PARD3B: variants seen among roughly 807,000 people sequenced by gnomAD.
PARD3B encodes partitioning defective 3 homolog B.
Under a neutral mutation model 130.2 loss-of-function variants are expected in PARD3B, and 103 were observed. The observed-to-expected ratio is 0.79, with a 90% CI of 0.67 to 0.93. The LOEUF (loss-of-function observed/expected upper bound fraction) is 0.93, where lower values mean the gene tolerates loss of function less well. Among genes scored for constraint, PARD3B ranks in the 40% least tolerant of loss-of-function variants. PARD3B has a pLI of 0.00. For missense variants in PARD3B, 1,609 were observed against 1,499.2 expected, an observed-to-expected ratio of 1.07 and a Z score of -1.21; for synonymous variants, 583 against 553.2, an observed-to-expected ratio of 1.05 and a Z score of -0.76.
chr2:205,077,712 T>A (rs148940946), intron 4 of PARD3B, among the ~76,000 whole-genome samples: 11 of 152,258 alleles, frequency 7.2e-5, no homozygotes, highest in African/African-American at 2.6e-4. Context: ...GATAACAGAA[T>A]AGGGACGTCT....
At chr2:205,201,677 A>C (rs2036997396) in intron 15 of PARD3B, among the ~76,000 whole-genome samples, 1 of 152,156 alleles carries the variant, frequency 6.6e-6, no homozygotes, top group South Asian at 2.1e-4. Flanking sequence ...GTCTCTACTA[A>C]AAATACAAAA....
At position 205,105,954 on chromosome 2, in the gene PARD3B, C is replaced by T. The variant is rs969085962; in HGVS notation, c.593+1440C>T. 6.6e-6 allele frequency among the ~76,000 whole-genome samples: 1 copy of T among 151,816 alleles called. No homozygotes were observed. Among genetic ancestry groups the T allele is most frequent in the Non-Finnish European group, 1.5e-5 (1 of 67,934 alleles). ...CTTATTCTATTTGGCTTTAATTTCACTTATTTCAGTGTTAGCTTTTTGAAA... is the reference window on the plus strand; with the variant it reads ...CTTATTCTATTTGGCTTTAATTTCATTTATTTCAGTGTTAGCTTTTTGAAA... On this transcript the variant is annotated intron_variant, in intron 5 of 22. Transcript: ENST00000406610. The surrounding 1 kb of genome is among the most constrained non-coding windows in gnomAD (Gnocchi z 4.0).
intron 2 of PARD3B, among the ~76,000 whole-genome samples, chr2:204,816,893 G>A (rs922774565): frequency 6.6e-6 from 1 of 151,894 alleles, no homozygotes; most frequent in Non-Finnish European, 1.5e-5. Flanking sequence ...CTGCCCCACA[G>A]CCTACAGATT....
At chr2:205,479,541 C>T (rs1356274068) in intron 20 of PARD3B, among the ~76,000 whole-genome samples, 1 of 152,152 alleles carries the variant, frequency 6.6e-6, no homozygotes, top group African/African-American at 2.4e-5. Flanking sequence ...TGCTTTCCTC[C>T]AGGAAGGGTT....
chr2:205,593,269 G>C (rs2054453692), intron 22 of PARD3B, among the ~76,000 whole-genome samples: 1 of 152,134 alleles, frequency 6.6e-6, no homozygotes, highest in African/African-American at 2.4e-5. Context: ...TTTAAATTTA[G>C]TTATTTTTCC....
At chr2:205,032,329 A>G (rs1319749785) in intron 3 of PARD3B, among the ~76,000 whole-genome samples, 1 of 152,088 alleles carries the variant, frequency 6.6e-6, no homozygotes, top group African/African-American at 2.4e-5. Flanking sequence ...CACATGGATT[A>G]GATTTCAGTT....
At chr2:204,630,915 G>A (rs2034656517) in intron 1 of PARD3B, among the ~76,000 whole-genome samples, 1 of 151,968 alleles carries the variant, frequency 6.6e-6, no homozygotes, top group Non-Finnish European at 1.5e-5. Context: ...CCAGCTCCTA[G>A]ATATGTTGAT....
intron 4 of PARD3B, among the ~76,000 whole-genome samples, chr2:205,100,332 T>G (rs1018142333): frequency 3.3e-5 from 5 of 152,232 alleles, no homozygotes; most frequent in African/African-American, 1.2e-4. Context: ...CTAAAAAGAA[T>G]ATTTATTTTA....
intron 20 of PARD3B, among the ~76,000 whole-genome samples, chr2:205,484,098 T>C (rs1430041014): frequency 6.6e-6 from 1 of 152,144 alleles, no homozygotes; most frequent in Non-Finnish European, 1.5e-5. Flanking sequence ...TCATGGCAAA[T>C]AGCAGAATTC....
intron 1 of PARD3B, among the ~76,000 whole-genome samples, chr2:204,670,551 T>A (rs2036250926): frequency 6.6e-6 from 1 of 152,216 alleles, no homozygotes; most frequent in African/African-American, 2.4e-5. Context: ...TGTCTAAATA[T>A]GAATTTACTG....
intron 21 of PARD3B, among the ~76,000 whole-genome samples, chr2:205,527,658 A>G (rs2051397196): frequency 6.6e-6 from 1 of 152,116 alleles, no homozygotes; most frequent in Admixed American, 6.5e-5. Context: ...AAAGGCAATA[A>G]CCTTCATCAG....
Position 205,052,433 on chromosome 2 carries a change from A to G in PARD3B, c.504+4743A>G, listed in dbSNP as rs866881557. Among the ~76,000 whole-genome samples the G allele has an allele frequency of 2.3e-3, 53 of 22,574 alleles. 1 individual carries two copies. Among genetic ancestry groups the G allele is most frequent in the African/African-American group, 7.4e-3 (52 of 7,046 alleles). The allele number at this position is 22,574 out of a possible 152,430, so 14.8% of individuals were successfully genotyped here. A position where few individuals can be genotyped will look rare whatever the true frequency, so the allele number is the denominator to read the frequency against. On this transcript the variant is annotated intron_variant, in intron 4 of 22. Coordinates refer to ENST00000406610, the MANE Select transcript of PARD3B (RefSeq NM_001302769.2). Reference sequence around the variant, plus strand: ...TATATATATATGTATATATATATATATATATATATATATATATAAAATTAA... The same window carrying G: ...TATATATATATGTATATATATATATGTATATATATATATATATAAAATTAA...
rs188934483 is a variant in PARD3B at position 204,633,654 on chromosome 2, A to G, written c.121-52527A>G. ...TGATGAAACCCTGTTTCTACTAAAA[A>G]TACAAAATTTAGCCAGGCATGGTGG... On this transcript the variant is annotated intron_variant, in intron 1 of 22. Coordinates refer to ENST00000406610, the MANE Select transcript of PARD3B (RefSeq NM_001302769.2). 5.8e-4 allele frequency among the ~76,000 whole-genome samples: 89 copies of G among 152,192 alleles called. No homozygotes were observed. In the East Asian group the frequency reaches 0.016, roughly 28 times the overall value.
intron 22 of PARD3B, among the ~76,000 whole-genome samples, chr2:205,598,854 T>C (rs2105747072): frequency 6.6e-6 from 1 of 152,312 alleles, no homozygotes; most frequent in Admixed American, 6.5e-5. Flanking sequence ...AACAACTTGC[T>C]CCTGAATGAC....
In PARD3B at chr2:205,124,456, G is replaced by C; in HGVS notation, c.1295G>C (p.Arg432Thr). 1 of 1,588,934 alleles carries C rather than the reference G, an allele frequency of 6.3e-7. No individual in the cohort carries two copies. Among genetic ancestry groups the C allele is most frequent in the Non-Finnish European group, 8.6e-7 (1 of 1,167,902 alleles). ...GATGGCCGCCTACAATCAGGGGACA[G>C]AATTTTGGAGGTAAGAATTGGAATT... ...IKDGRLQSGD[R>T]ILEVNGRDVT... The change falls in exon 9 of 23, where the codon AGA (arginine) becomes ACA (threonine). Residue 432 changes from arginine to threonine, a missense_variant. Arg to Thr is a moderately conservative substitution (Grantham distance 71). Transcript: ENST00000406610.
chr2:204,956,633 T>G (rs949151682), intron 2 of PARD3B, among the ~76,000 whole-genome samples: 1 of 151,990 alleles, frequency 6.6e-6, no homozygotes, highest in Non-Finnish European at 1.5e-5. Flanking sequence ...TGGAAAAAAT[T>G]AGTCTATGTA....
chr2:205,434,380 G>C (rs184697447), intron 19 of PARD3B, among the ~76,000 whole-genome samples: 184 of 152,176 alleles, frequency 1.2e-3, no homozygotes, highest in African/African-American at 3.9e-3. Context: ...GTAAAATATT[G>C]AATAAATTAA....
At chr2:205,427,101 A>G (rs974002294) in intron 19 of PARD3B, among the ~76,000 whole-genome samples, 5 of 152,354 alleles carry the variant, frequency 3.3e-5, no homozygotes, top group Non-Finnish European at 7.3e-5. Context: ...AAATTTCCCA[A>G]AGTTCGACAA....
At position 205,125,724 on chromosome 2, in the gene PARD3B, T is replaced by C; in HGVS notation, c.1421T>C (p.Leu474Pro). 6.2e-7 allele frequency: 1 copy of C among 1,614,162 alleles called. No individual in the cohort carries two copies. The highest frequency in any genetic ancestry group is 8.5e-7 in the Non-Finnish European group (1 of 1,180,028). The change falls in exon 10 of 23, where the codon CTG becomes CCG. Residue 474 changes from leucine (L) to proline (P), a missense_variant. Transcript: ENST00000406610. This position sits in a 1 kb window ranked among gnomAD's most constrained non-coding sequence, Gnocchi z 4.0. The part of the protein sequence containing the change: ...LVIARQEGHF[L>P]PRELKGEPDC... The stretch of plus-strand genomic sequence containing the variant: ...ATTGCCCGCCAAGAAGGACATTTTC[T>C]GCCCCGAGAGTTGGTAATGTTCAGA...
Sources: gnomAD v4.1 joint callset for allele counts (sites outside exome capture counted in the v4.1 genomes callset) on GRCh38, gnomAD v4.1.1 for gene constraint, Gnocchi (gnomAD v3.1) non-coding constraint, MANE v1.5 for transcripts, NCBI Gene and HGNC (gene_info 2026-07-23, HGNC 2026-07-21) for gene names.